GRID1: variants seen among roughly 807,000 people sequenced by gnomAD.
The protein encoded by GRID1 is glutamate ionotropic receptor delta type subunit 1.
Under a neutral mutation model 98.0 loss-of-function variants are expected in GRID1, and 28 were observed. The observed-to-expected ratio is 0.29, with a 90% confidence interval of 0.21 to 0.39. The LOEUF is 0.39. Ranked by LOEUF, GRID1 falls within the 10% of genes least tolerant of loss-of-function variation. The pLI, the probability that GRID1 is intolerant of heterozygous loss-of-function variation, is 1.00. For missense variants in GRID1, 1,111 were observed against 1,340.5 expected, an observed-to-expected ratio of 0.83 and a Z score of 2.67; for synonymous variants, 553 against 538.5, an observed-to-expected ratio of 1.03 and a Z score of -0.37.
At chr10:85,749,261 A>G (rs565144960) in intron 8 of GRID1, among the ~76,000 whole-genome samples, 1 of 152,242 alleles carries the variant, frequency 6.6e-6, no homozygotes, top group East Asian at 1.9e-4. Flanking sequence ...TCTGGCTCAG[A>G]GCACTTAAGA....
chr10:86,339,641 G>A (rs901647475), intron 2 of GRID1, among the ~76,000 whole-genome samples: 3 of 152,238 alleles, frequency 2.0e-5, no homozygotes, highest in Non-Finnish European at 4.4e-5. Flanking sequence ...ACCTTTCTGA[G>A]GAACCCACGA....
At chr10:86,067,598 G>A (rs915222496) in intron 4 of GRID1, among the ~76,000 whole-genome samples, 3 of 152,196 alleles carry the variant, frequency 2.0e-5, no homozygotes, top group Non-Finnish European at 4.4e-5. Context: ...CAGGCACTGC[G>A]GTTCCCCACC....
At chr10:86,228,337 A>T (rs1846391462) in intron 2 of GRID1, among the ~76,000 whole-genome samples, 1 of 150,634 alleles carries the variant, frequency 6.6e-6, no homozygotes, top group Non-Finnish European at 1.5e-5. Context: ...GGGAGAGGAA[A>T]CGTAGACAAT....
intron 5 of GRID1, among the ~76,000 whole-genome samples, chr10:85,898,698 A>G (rs542419528): frequency 6.6e-6 from 1 of 152,286 alleles, no homozygotes; most frequent in South Asian, 2.1e-4. Flanking sequence ...GTCTCACTAG[A>G]AGGTCTTCAG....
At chr10:85,776,214 G>A (rs1025631742) in intron 8 of GRID1, among the ~76,000 whole-genome samples, 7 of 152,128 alleles carry the variant, frequency 4.6e-5, no homozygotes, top group African/African-American at 1.4e-4. Context: ...AGACTACAAA[G>A]ATAAGCAAGC....
intron 4 of GRID1, among the ~76,000 whole-genome samples, chr10:85,957,457 G>C (rs554479521): frequency 6.6e-6 from 1 of 152,130 alleles, no homozygotes; most frequent in Non-Finnish European, 1.5e-5. Context: ...CCCCCCGGTT[G>C]TATTAGGCAG....
At chr10:85,642,231 A>G (rs1459565446) in intron 13 of GRID1, among the ~76,000 whole-genome samples, 1 of 152,220 alleles carries the variant, frequency 6.6e-6, no homozygotes, top group Non-Finnish European at 1.5e-5. Context: ...CTGTTGTCCA[A>G]TAAACCTTTA....
At chr10:86,284,981 G>T (rs893650769) in intron 2 of GRID1, among the ~76,000 whole-genome samples, 3 of 46,052 alleles carry the variant, frequency 6.5e-5, no homozygotes, top group African/African-American at 3.6e-4. Flanking sequence ...ACAGTAATGG[G>T]GTTGCTGGAA....
In GRID1 at chr10:86,206,694, T is replaced by C. The variant is rs752091036; in HGVS notation, c.236-46A>G. 3 of 1,555,406 alleles carry C rather than the reference T, an allele frequency of 1.9e-6. No individual in the cohort carries two copies. The African/African-American group carries it at 4.1e-5, about 21-fold the overall frequency. On this transcript the variant is annotated intron_variant, in intron 2 of 15. Coordinates refer to ENST00000327946, the MANE Select transcript of GRID1 (RefSeq NM_017551.3). This position sits in a 1 kb window ranked among gnomAD's most constrained non-coding sequence, Gnocchi z 4.1. Reference sequence around the variant, plus strand: ...GAGGAAGGGGTCAGCATCAGGGCGATGCTGCACCAGCTTCAACCTGCAGGC... The same window carrying C: ...GAGGAAGGGGTCAGCATCAGGGCGACGCTGCACCAGCTTCAACCTGCAGGC...
chr10:85,982,991 G>A (rs938032692), intron 4 of GRID1, among the ~76,000 whole-genome samples: 1 of 152,174 alleles, frequency 6.6e-6, no homozygotes, highest in Non-Finnish European at 1.5e-5. Context: ...AACCTACATG[G>A]CATTTCCTCT....
chr10:85,896,278 C>G (rs143701769), intron 5 of GRID1, among the ~76,000 whole-genome samples: 1 of 152,126 alleles, frequency 6.6e-6, no homozygotes, highest in Non-Finnish European at 1.5e-5. Context: ...ATATAATAAT[C>G]AGAACTTTTA....
At chr10:86,137,638 T>C (rs1428309556) in intron 4 of GRID1, among the ~76,000 whole-genome samples, 1 of 152,182 alleles carries the variant, frequency 6.6e-6, no homozygotes, top group East Asian at 1.9e-4. Context: ...GTGCTGCTAA[T>C]CCCAGGCTGT....
chr10:85,790,904 C>G (rs913203170), intron 8 of GRID1, among the ~76,000 whole-genome samples: 2 of 152,216 alleles, frequency 1.3e-5, no homozygotes, highest in East Asian at 1.9e-4. Flanking sequence ...CAGCCCCGCT[C>G]TCTCTGAGCA....
intron 12 of GRID1, among the ~76,000 whole-genome samples, chr10:85,662,943 G>C (rs989920157): frequency 3.2e-4 from 49 of 152,016 alleles, no homozygotes; most frequent in African/African-American, 1.1e-3. Flanking sequence ...GTTCTGTCCT[G>C]TGCAAGATTT....
At chr10:85,925,066 C>T (rs765131454) in intron 4 of GRID1, among the ~76,000 whole-genome samples, 5 of 152,180 alleles carry the variant, frequency 3.3e-5, no homozygotes, top group Admixed American at 2.6e-4. Flanking sequence ...GGAGCCTGCT[C>T]ACAGGCACGA....
intron 4 of GRID1, among the ~76,000 whole-genome samples, chr10:86,064,977 G>A (rs1208769162): frequency 6.6e-6 from 1 of 152,216 alleles, no homozygotes; most frequent in Non-Finnish European, 1.5e-5. Context: ...TCCAGACTGA[G>A]CAGAAAATCT....
At position 85,600,157 on chromosome 10, in the gene GRID1, AT is replaced by A. The variant is rs1842554508; in HGVS notation, c.*2115del. ...GAGATATATATGTGAAAAATTGACC[AT>A]TCAGGGCAGGGCCCCCAACGTGCTG... On this transcript the variant is annotated 3_prime_UTR_variant, in exon 16 of 16. Transcript: ENST00000327946. The A allele has an allele frequency of 6.6e-6, 1 of 152,376 alleles. No homozygotes were observed. Among genetic ancestry groups the A allele is most frequent in the South Asian group, 2.1e-4 (1 of 4,810 alleles). 9.4% of individuals were successfully genotyped at this position (152,376 alleles called of 1,614,324 possible). A position where few individuals can be genotyped will look rare whatever the true frequency, so the allele number is the denominator to read the frequency against.
chr10:86,350,300 A>G (rs891145051), intron 2 of GRID1, among the ~76,000 whole-genome samples: 1 of 152,334 alleles, frequency 6.6e-6, no homozygotes, highest in South Asian at 2.1e-4. Flanking sequence ...GGGTTTCAGC[A>G]GGAGAGGGAG....
At chr10:85,988,750 C>A (rs1356618972) in intron 4 of GRID1, among the ~76,000 whole-genome samples, 2 of 152,164 alleles carry the variant, frequency 1.3e-5, no homozygotes, top group Non-Finnish European at 2.9e-5. Flanking sequence ...ACAACCAAAG[C>A]CACTTTGACC....
Sources: allele counts gnomAD v4.1 joint callset (sites outside exome capture counted in the v4.1 genomes callset), GRCh38; gene constraint gnomAD v4.1.1; non-coding constraint Gnocchi (gnomAD v3.1); transcripts MANE v1.5; gene names NCBI Gene and HGNC (gene_info 2026-07-23, HGNC 2026-07-21).